Variants in CLN6 observed in about 807,000 individuals in gnomAD.
The protein encoded by CLN6 is CLN6 transmembrane ER protein.
A neutral mutation model predicts 33.3 loss-of-function variants in CLN6; 22 were observed. The ratio of observed to expected loss-of-function variants is 0.66; its 90% CI spans 0.47 to 0.94. The LOEUF is 0.94. CLN6 is among the 40% of genes least tolerant of loss of function. The pLI, the probability that CLN6 is intolerant of heterozygous loss-of-function variation, is 0.00. For synonymous variants in CLN6, 201 were observed against 174.6 expected, an observed-to-expected ratio of 1.15 and a Z score of -1.19; for missense variants, 387 against 417.1, an observed-to-expected ratio of 0.93 and a Z score of 0.63.
Position 68,208,095 on chromosome 15 carries a change from C to T in CLN6, c.*45G>A, listed in dbSNP as rs751297058. 103 of 527,020 alleles carry T rather than the reference C, an allele frequency of 2.0e-4. No individual in the cohort carries two copies. The highest frequency in any genetic ancestry group is 1.2e-3 in the Middle Eastern group (2 of 1,680). 32.6% of individuals were successfully genotyped at this position (527,020 alleles called of 1,614,324 possible). A position where few individuals can be genotyped will look rare whatever the true frequency, so the allele number is the denominator to read the frequency against. ...TCCTGTATTCAGATGCCCTCCATGG[C>T]CCACCCTCCCACCCAGCAGAGCGCC... is the stretch of plus-strand genomic sequence containing the variant. On this transcript the variant is annotated 3_prime_UTR_variant, in exon 7 of 7. Coordinates refer to ENST00000249806, the MANE Select transcript of CLN6 (RefSeq NM_017882.3). This position sits in a 1 kb window ranked among gnomAD's most constrained non-coding sequence, Gnocchi z 5.8.
Position 68,214,401 on chromosome 15 carries a change from TG to T in CLN6, c.199-14del. 7 of 1,604,936 alleles carry T rather than the reference TG, an allele frequency of 4.4e-6. No homozygotes were observed. Among genetic ancestry groups the T allele is most frequent in the Non-Finnish European group, 6.0e-6 (7 of 1,171,744 alleles). ...GAGGGAATACCAGCTGCGGAGCAAATGGAAGAATGGGCTCACCTGGGCACAG... is the reference window on the plus strand; with the variant it reads ...GAGGGAATACCAGCTGCGGAGCAAATGAAGAATGGGCTCACCTGGGCACAG... On this transcript the variant is annotated splice_polypyrimidine_tract_variant and intron_variant, in intron 2 of 6. Transcript: ENST00000249806.
In CLN6 at chr15:68,208,013, C is replaced by G; in HGVS notation, c.*127G>C. ...ACACACACACACGAATCCACGCACACGAGGCACACCCCACTCATGCTCTCG... is the reference window on the plus strand; with the variant it reads ...ACACACACACACGAATCCACGCACAGGAGGCACACCCCACTCATGCTCTCG... On this transcript the variant is annotated 3_prime_UTR_variant, in exon 7 of 7. Coordinates refer to ENST00000249806, the MANE Select transcript of CLN6 (RefSeq NM_017882.3). The surrounding 1 kb of genome is among the most constrained non-coding windows in gnomAD (Gnocchi z 5.8). 1.0e-6 allele frequency: 1 copy of G among 990,784 alleles called. No individual in the cohort carries two copies. The highest frequency in any genetic ancestry group is 1.5e-6 in the Non-Finnish European group (1 of 654,674). The allele number at this position is 990,784 out of a possible 1,614,324, so 61.4% of individuals were successfully genotyped here.
At position 68,227,665 on chromosome 15, in the gene CLN6, G is replaced by A. The variant is rs1312468881; in HGVS notation, c.83+1837C>T. Among the ~76,000 whole-genome samples, 1 of 152,230 alleles carries A rather than the reference G, an allele frequency of 6.6e-6. No individual in the cohort carries two copies. Among genetic ancestry groups the A allele is most frequent in the East Asian group, 1.9e-4 (1 of 5,198 alleles). ...CTTAGCAGCCAAAGTGGAGTCGTAAGAGCAGAGCCCGTAAGTCAGAAACCC... is the reference window on the plus strand; with the variant it reads ...CTTAGCAGCCAAAGTGGAGTCGTAAAAGCAGAGCCCGTAAGTCAGAAACCC... On this transcript the variant is annotated intron_variant, in intron 1 of 6. Transcript: ENST00000249806. The surrounding 1 kb of genome is among the most constrained non-coding windows in gnomAD (Gnocchi z 4.1).
chr15:68,211,524 T>G lies in CLN6; in HGVS notation c.486+151A>C, dbSNP rs528429115. 1.1e-5 allele frequency: 18 copies of G among 1,592,086 alleles called. No homozygotes were observed. The African/African-American group carries it at 1.9e-4, about 17-fold the overall frequency. ...ACCACTTCCTAAGAACACTTGAGCA[T>G]CCTAGCTTGGGGCAGGCGACAGTGC... is the stretch of plus-strand genomic sequence containing the variant. On this transcript the variant is annotated intron_variant, in intron 4 of 6. Transcript: ENST00000249806. This position sits in a 1 kb window ranked among gnomAD's most constrained non-coding sequence, Gnocchi z 5.9.
intron 1 of CLN6, among the ~76,000 whole-genome samples, chr15:68,235,590 ATATATATATATATATAT>A (rs1567103341): frequency 4.9e-5 from 5 of 102,502 alleles, no homozygotes; most frequent in African/African-American, 1.7e-4. Flanking sequence ...AAAAATAAAT[ATATATATATATATATAT>A]ATATATATAT....
In CLN6 at chr15:68,211,289, A is replaced by G. The variant is rs547002745; in HGVS notation, c.516T>C (p.Tyr172=). ...LIDSFELLYY[Y]DEYLGHCMWY... ...ACATGCAGTGACCCAGGTACTCATC[A>G]TAATAGTAGAGCAGCTCAAAGGAGT... The change falls in exon 5 of 7, where the codon TAT becomes TAC. Residue 172 remains tyrosine, a synonymous_variant. Coordinates refer to ENST00000249806, the MANE Select transcript of CLN6 (RefSeq NM_017882.3). This position sits in a 1 kb window ranked among gnomAD's most constrained non-coding sequence, Gnocchi z 5.9. The G allele has an allele frequency of 8.1e-6, 13 of 1,613,908 alleles. No homozygotes were observed. The highest frequency in any genetic ancestry group is 3.3e-4 in the Middle Eastern group (2 of 6,084).
intron 2 of CLN6, chr15:68,215,507 TTTTC>T (rs1312293879): frequency 6.6e-6 from 1 of 152,164 alleles, no homozygotes; most frequent in Admixed American, 6.5e-5. Flanking sequence ...TTTTTTTCTT[TTTTC>T]TTTTTTATTG....
In CLN6 at chr15:68,229,722, G is replaced by A; in HGVS notation, c.-138C>T. 1 of 535,438 alleles carries A rather than the reference G, an allele frequency of 1.9e-6. No individual in the cohort carries two copies. The highest frequency in any genetic ancestry group is 2.8e-6 in the Non-Finnish European group (1 of 353,504). 33.2% of individuals were successfully genotyped at this position (535,438 alleles called of 1,614,324 possible). On this transcript the variant is annotated 5_prime_UTR_variant, in exon 1 of 7. Coordinates refer to ENST00000249806, the MANE Select transcript of CLN6 (RefSeq NM_017882.3). ...CGGCGAGAGCGCGCGGCCCTCGGGA[G>A]GAACAGGCGGGGCTGCGGACCCGGG... is the stretch of plus-strand genomic sequence containing the variant.
chr15:68,226,527 C>G (rs1440745950), intron 1 of CLN6, among the ~76,000 whole-genome samples: 1 of 151,834 alleles, frequency 6.6e-6, no homozygotes, highest in African/African-American at 2.4e-5. Flanking sequence ...AGTATAATGG[C>G]GCGATCTTGG....
intron 2 of CLN6, 126 bp downstream of exon 2, chr15:68,218,410 A>G (rs947016572): frequency 2.6e-6 from 2 of 759,956 alleles, no homozygotes; most frequent in Non-Finnish European, 4.7e-6. Context: ...GAAGGCATCC[A>G]GGCCTATTCT....
rs769900670 is a variant in CLN6 at position 68,208,147 on chromosome 15, C to T, written c.929G>A (p.Arg310Gln). The T allele has an allele frequency of 1.5e-5, 24 of 1,605,798 alleles. No homozygotes were observed. Among genetic ancestry groups the T allele is most frequent in the Middle Eastern group, 1.7e-4 (1 of 5,884 alleles). Residue 310 changes from arginine (R) to glutamine (Q), a missense_variant, in exon 7 of 7, where the codon CGG becomes CAG. Arg to Gln is a conservative substitution (Grantham distance 43). Coordinates refer to ENST00000249806, the MANE Select transcript of CLN6 (RefSeq NM_017882.3). The surrounding 1 kb of genome is among the most constrained non-coding windows in gnomAD (Gnocchi z 5.8). ...GAGCCTGGTGCCAGGGACTCAGTGC[C>T]GACTGCTGACGTGAAGGGTGTAGAA... is the stretch of plus-strand genomic sequence containing the variant. ...WAFYTLHVSSRH is the reference protein window; with the variant it reads ...WAFYTLHVSSQH
At chr15:68,214,658 C>T in intron 2 of CLN6, 3 of 433,306 alleles carry the variant, frequency 6.9e-6, no homozygotes, top group South Asian at 6.2e-5. Flanking sequence ...TGACCCTGTG[C>T]CCCTCACCCA....
chr15:68,231,872 T>C (rs1197648241), upstream of CLN6, among the ~76,000 whole-genome samples: 2 of 152,212 alleles, frequency 1.3e-5, no homozygotes, highest in Non-Finnish European at 2.9e-5. Context: ...CAGGACACTT[T>C]AAAAACACCA....
intron 1 of CLN6, chr15:68,254,652 A>G: frequency 1.4e-6 from 1 of 699,074 alleles, no homozygotes; most frequent in Non-Finnish European, 2.6e-6. Flanking sequence ...AGAAAGGCTG[A>G]AGGTGATGCT....
In CLN6 at chr15:68,219,171, G is replaced by C. The variant is rs1427977191; in HGVS notation, c.84-521C>G. Among the ~76,000 whole-genome samples, 3 of 152,184 alleles carry C rather than the reference G, an allele frequency of 2.0e-5. No homozygotes were observed. Among genetic ancestry groups the C allele is most frequent in the Non-Finnish European group, 4.4e-5 (3 of 68,020 alleles). On this transcript the variant is annotated intron_variant, in intron 1 of 6. Coordinates refer to ENST00000249806, the MANE Select transcript of CLN6 (RefSeq NM_017882.3). This position sits in a 1 kb window ranked among gnomAD's most constrained non-coding sequence, Gnocchi z 4.2. ...AACTTGCTCAAGGTCACACAGCTAA[G>C]GATTTGAACCCAAATGATTGGGCTC...
intron 1 of CLN6, among the ~76,000 whole-genome samples, chr15:68,240,400 C>A (rs1462437856): frequency 6.6e-6 from 1 of 151,972 alleles, no homozygotes; most frequent in Admixed American, 6.6e-5. Flanking sequence ...GAGTTTGAGA[C>A]CAGCCTGGCC....
intron 1 of CLN6, among the ~76,000 whole-genome samples, chr15:68,248,986 C>G (rs530985604): frequency 6.6e-6 from 1 of 152,004 alleles, no homozygotes; most frequent in Non-Finnish European, 1.5e-5. Flanking sequence ...ACAACAACAA[C>G]AAAAAAATTC....
chr15:68,211,961 T>G lies in CLN6; in HGVS notation c.298-98A>C. The G allele has an allele frequency of 1.6e-6, 2 of 1,266,704 alleles. No homozygotes were observed. Among genetic ancestry groups the G allele is most frequent in the South Asian group, 2.7e-5 (2 of 75,298 alleles). The allele number at this position is 1,266,704 out of a possible 1,614,324, so 78.5% of individuals were successfully genotyped here. A position where few individuals can be genotyped will look rare whatever the true frequency, so the allele number is the denominator to read the frequency against. The stretch of plus-strand genomic sequence containing the variant: ...TCACACCTGGGGTGGGATGGACGCT[T>G]CCAGCTGGAATGTCACTCCAAAAAG... On this transcript the variant is annotated intron_variant, in intron 3 of 6. Coordinates refer to ENST00000249806, the MANE Select transcript of CLN6 (RefSeq NM_017882.3). The surrounding 1 kb of genome is among the most constrained non-coding windows in gnomAD (Gnocchi z 5.9).
rs774238261 is a variant in CLN6 at position 68,211,860 on chromosome 15, T to C, written c.301A>G (p.Ile101Val). 5.0e-6 allele frequency: 8 copies of C among 1,613,272 alleles called. No individual in the cohort carries two copies. Among genetic ancestry groups the C allele is most frequent in the Non-Finnish European group, 6.8e-6 (8 of 1,179,938 alleles). ...VITPFLLLKL[I>V]ERSPRTLPRS... ...GGCAGGGTGCGGGGGGACCGCTCGA[T>C]GAGCTGGGGTTCAGAGTGGGGTTGG... is the stretch of plus-strand genomic sequence containing the variant. The change falls in exon 4 of 7, where the codon ATC becomes GTC. Residue 101 changes from isoleucine to valine, a missense_variant. Transcript: ENST00000249806. The surrounding 1 kb of genome is among the most constrained non-coding windows in gnomAD (Gnocchi z 5.9).
Sources: gnomAD v4.1 joint callset for allele counts (sites outside exome capture counted in the v4.1 genomes callset) on GRCh38, gnomAD v4.1.1 for gene constraint, Gnocchi (gnomAD v3.1) non-coding constraint, MANE v1.5 for transcripts, NCBI Gene and HGNC (gene_info 2026-07-23, HGNC 2026-07-21) for gene names.